Variants in FGF12 observed in about 807,000 individuals in gnomAD.
The protein encoded by FGF12 is fibroblast growth factor 12B.
A neutral mutation model predicts 23.6 loss-of-function variants in FGF12; 14 were observed. The ratio of observed to expected loss-of-function variants is 0.59; its 90% CI spans 0.39 to 0.93. The LOEUF (loss-of-function observed/expected upper bound fraction) is 0.93. Among genes scored for constraint, FGF12 ranks in the 40% least tolerant of loss-of-function variants. The pLI is 0.00. For missense variants in FGF12, 175 were observed against 217.8 expected, an observed-to-expected ratio of 0.80 and a Z score of 1.24; for synonymous variants, 62 against 77.3, an observed-to-expected ratio of 0.80 and a Z score of 1.04.
intron 4 of FGF12, among the ~76,000 whole-genome samples, chr3:192,238,844 G>A (rs1266994521): frequency 6.6e-6 from 1 of 152,114 alleles, no homozygotes; most frequent in East Asian, 1.9e-4. Context: ...GGCAATCTTT[G>A]GACAGTGCTA....
intron 2 of FGF12, among the ~76,000 whole-genome samples, chr3:192,485,939 T>A (rs915930674): frequency 6.6e-6 from 1 of 152,208 alleles, no homozygotes; most frequent in Non-Finnish European, 1.5e-5. Flanking sequence ...CATCATTTTG[T>A]ACGCACTATA....
intron 3 of FGF12, among the ~76,000 whole-genome samples, chr3:192,338,481 C>T (rs1213551357): frequency 2.6e-5 from 4 of 152,202 alleles, no homozygotes; most frequent in African/African-American, 4.8e-5. Flanking sequence ...AGATGTAAGT[C>T]ATCACATCAT....
intron 2 of FGF12, among the ~76,000 whole-genome samples, chr3:192,513,375 C>G (rs1052904229): frequency 1.6e-4 from 25 of 152,082 alleles, no homozygotes; most frequent in African/African-American, 6.0e-4. Context: ...AATGAGATCT[C>G]GTTGCTGATT....
At chr3:192,205,701 A>G (rs192994034) in intron 4 of FGF12, among the ~76,000 whole-genome samples, 8 of 152,294 alleles carry the variant, frequency 5.3e-5, no homozygotes, top group African/African-American at 7.2e-5. Flanking sequence ...AGAACATAGA[A>G]AATGGTGCCC....
chr3:192,174,956 T>C (rs1271389010), intron 4 of FGF12, among the ~76,000 whole-genome samples: 2 of 152,222 alleles, frequency 1.3e-5, no homozygotes, highest in African/African-American at 4.8e-5. Context: ...AAAAATGCAA[T>C]GAATCCTATA....
intron 5 of FGF12, among the ~76,000 whole-genome samples, chr3:192,165,311 T>TAA (rs35624911): frequency 1.8e-3 from 268 of 149,136 alleles, no homozygotes; most frequent in Middle Eastern, 0.01. Flanking sequence ...ATCCCTTCAT[T>TAA]AAAAAAAAAA....
chr3:192,437,311 C>T (rs1200859138), intron 2 of FGF12, among the ~76,000 whole-genome samples: 2 of 152,114 alleles, frequency 1.3e-5, no homozygotes, highest in East Asian at 1.9e-4. Flanking sequence ...AAGGAGCTAA[C>T]AAAAAATGCT....
At chr3:192,709,178 C>T (rs934103091) in intron 2 of FGF12, among the ~76,000 whole-genome samples, 1 of 152,150 alleles carries the variant, frequency 6.6e-6, no homozygotes, top group Non-Finnish European at 1.5e-5. Flanking sequence ...AGACAACTAT[C>T]CCCTGAATTT....
intron 4 of FGF12, among the ~76,000 whole-genome samples, chr3:192,250,115 A>G (rs1711908481): frequency 6.6e-6 from 1 of 152,190 alleles, no homozygotes; most frequent in South Asian, 2.1e-4. Context: ...TGGATAATCT[A>G]AAACATTGAG....
intron 4 of FGF12, among the ~76,000 whole-genome samples, chr3:192,239,437 G>A (rs944350221): frequency 7.2e-5 from 11 of 152,198 alleles, no homozygotes; most frequent in Admixed American, 2.6e-4. Context: ...GGACAAAGCC[G>A]TTAATTATGT....
chr3:192,500,280 C>T (rs1724095196), intron 2 of FGF12, among the ~76,000 whole-genome samples: 1 of 152,212 alleles, frequency 6.6e-6, no homozygotes, highest in African/African-American at 2.4e-5. Flanking sequence ...CAAGTGCTCA[C>T]TCTAGTTCCA....
intron 4 of FGF12, among the ~76,000 whole-genome samples, chr3:192,274,284 G>A (rs1713638989): frequency 6.6e-6 from 1 of 152,126 alleles, no homozygotes; most frequent in African/African-American, 2.4e-5. Flanking sequence ...TATTTAATAT[G>A]CACACTTACC....
chr3:192,401,526 T>A (rs1720760358), intron 2 of FGF12, among the ~76,000 whole-genome samples: 1 of 152,220 alleles, frequency 6.6e-6, no homozygotes, highest in Non-Finnish European at 1.5e-5. Context: ...TACTGTATGG[T>A]ACTTTGAGAA....
At chr3:192,284,094 C>T (rs1016754005) in intron 4 of FGF12, among the ~76,000 whole-genome samples, 1 of 152,026 alleles carries the variant, frequency 6.6e-6, no homozygotes, top group African/African-American at 2.4e-5. Context: ...GCAGCTTTTC[C>T]AGCTACTAGA....
intron 2 of FGF12, among the ~76,000 whole-genome samples, chr3:192,557,109 C>T (rs1346041299): frequency 6.6e-6 from 1 of 151,090 alleles, no homozygotes; most frequent in African/African-American, 2.4e-5. Context: ...GAAAAAAAAC[C>T]TCAAATAAAA....
At chr3:192,709,087 T>C (rs889071163) in intron 2 of FGF12, among the ~76,000 whole-genome samples, 7 of 152,220 alleles carry the variant, frequency 4.6e-5, no homozygotes, top group African/African-American at 1.4e-4. Context: ...TGTTTATACA[T>C]CTGTTGTGTA....
At chr3:192,149,243 T>A (rs1461719850) in intron 5 of FGF12, among the ~76,000 whole-genome samples, 2 of 152,202 alleles carry the variant, frequency 1.3e-5, no homozygotes, top group Non-Finnish European at 2.9e-5. Flanking sequence ...CTAGTCAGTA[T>A]AGTCAAGAAA....
At chr3:192,678,602 A>G (rs1195105390) in intron 2 of FGF12, among the ~76,000 whole-genome samples, 1 of 151,800 alleles carries the variant, frequency 6.6e-6, no homozygotes, top group Non-Finnish European at 1.5e-5. Flanking sequence ...CATACCTTAA[A>G]CCTCCCTCCT....
intron 2 of FGF12, among the ~76,000 whole-genome samples, chr3:192,505,658 C>G (rs947350251): frequency 1.3e-5 from 2 of 152,072 alleles, no homozygotes; most frequent in Non-Finnish European, 2.9e-5. Context: ...ATAAAAGAAA[C>G]ACATTTTTAA....
Sources: gnomAD v4.1 joint callset for allele counts (sites outside exome capture counted in the v4.1 genomes callset) on GRCh38, gnomAD v4.1.1 for gene constraint, MANE v1.5 for transcripts, NCBI Gene and HGNC (gene_info 2026-07-23, HGNC 2026-07-21) for gene names.